Variants in ZFHX3 observed in about 807,000 individuals in gnomAD.
ZFHX3 encodes the protein zinc finger homeobox 3.
ZFHX3 carries 42 observed loss-of-function variants against 279.1 expected under a neutral mutation model. The observed-to-expected ratio is 0.15, with a 90% confidence interval of 0.12 to 0.19. The LOEUF is 0.19. Ranked by LOEUF, ZFHX3 falls within the 10% of genes least tolerant of loss-of-function variation. The pLI is 1.00. For synonymous variants in ZFHX3, 2,293 were observed against 1,957.8 expected (o/e 1.17, Z -4.52); for missense variants, 4,981 against 4,754.0 (o/e 1.05, Z -1.40).
At chr16:73,046,804 C>T (rs1965318334) in intron 1 of ZFHX3, among the ~76,000 whole-genome samples, 1 of 151,536 alleles carries the variant, frequency 6.6e-6, no homozygotes, top group African/African-American at 2.4e-5. Context: ...AAGGAGAGGC[C>T]TTCCTTCTGT....
chr16:72,943,539 CA>C (rs1421793193), intron 3 of ZFHX3, among the ~76,000 whole-genome samples: 1 of 152,034 alleles, frequency 6.6e-6, no homozygotes, highest in African/African-American at 2.4e-5. Context: ...CTCAAAAAAA[CA>C]GAAAACAAAA....
chr16:73,342,800 T>C (rs1053907279), intron 3 of ZFHX3, among the ~76,000 whole-genome samples: 4 of 152,168 alleles, frequency 2.6e-5, no homozygotes, highest in Non-Finnish European at 4.4e-5. Flanking sequence ...TAATGTTTTA[T>C]ATATGCAAAA....
intron 4 of ZFHX3, among the ~76,000 whole-genome samples, chr16:72,841,464 G>C (rs1028729347): frequency 6.6e-6 from 1 of 152,186 alleles, no homozygotes; most frequent in African/African-American, 2.4e-5. Context: ...CTGTGTCCAA[G>C]GGGAGAAAGA....
chr16:73,772,175 G>C (rs936302815), intron 1 of ZFHX3, among the ~76,000 whole-genome samples: 1 of 152,174 alleles, frequency 6.6e-6, no homozygotes, highest in African/African-American at 2.4e-5. Flanking sequence ...AATTGGAATT[G>C]CTGTGTGTAC....
At position 73,336,996 on chromosome 16, in the gene ZFHX3, G is replaced by C. The variant is rs1029862499; in HGVS notation, c.-1290-18660C>G. ...GACCTACAAGGTTCCCTGGACTCCT[G>C]GTCTGACCACCACTTCTTACCACCA... is the stretch of plus-strand genomic sequence containing the variant. On this transcript the variant is annotated intron_variant, in intron 3 of 17. Transcript: ENST00000641206. 3.9e-5 allele frequency among the ~76,000 whole-genome samples: 6 copies of C among 151,976 alleles called. No homozygotes were observed. In the East Asian group the frequency reaches 1.2e-3, roughly 29 times the overall value.
chr16:73,259,171 A>C lies in ZFHX3; in HGVS notation c.-1193-2035T>G, dbSNP rs530440265. Among the ~76,000 whole-genome samples, 10 of 152,328 alleles carry C rather than the reference A, an allele frequency of 6.6e-5. No homozygotes were observed. In the East Asian group the frequency reaches 1.9e-3, roughly 29 times the overall value. ...TGACTGTGTATGTGTGTGTGTACAC[A>C]CGTGTGAGCGTTTCCCTAGGAAACA... On this transcript the variant is annotated intron_variant, in intron 4 of 17. Transcript: ENST00000641206.
intron 3 of ZFHX3, among the ~76,000 whole-genome samples, chr16:72,912,405 A>G (rs2039341495): frequency 6.6e-6 from 1 of 152,230 alleles, no homozygotes; most frequent in Admixed American, 6.5e-5. Flanking sequence ...GAGTGGAAAT[A>G]ACATTAAGCG....
At chr16:73,723,288 A>G (rs1214742319) in intron 1 of ZFHX3, among the ~76,000 whole-genome samples, 1 of 152,226 alleles carries the variant, frequency 6.6e-6, no homozygotes, top group East Asian at 1.9e-4. Context: ...AACAAAAAAA[A>G]GGCATAAGAA....
chr16:72,964,685 G>A (rs943846547), intron 1 of ZFHX3, among the ~76,000 whole-genome samples: 1 of 146,416 alleles, frequency 6.8e-6, no homozygotes, highest in Non-Finnish European at 1.5e-5. Context: ...AAAAAAAAAG[G>A]AAAAAAATTG....
chr16:73,773,561 A>G (rs544904808), intron 1 of ZFHX3, among the ~76,000 whole-genome samples: 7 of 152,306 alleles, frequency 4.6e-5, no homozygotes, highest in African/African-American at 1.7e-4. Context: ...ACAAGTATCT[A>G]CATAATAATG....
In ZFHX3 at chr16:72,882,922, G is replaced by A. The variant is rs190368064; in HGVS notation, c.3448+6809C>T. Among the ~76,000 whole-genome samples the A allele has an allele frequency of 8.0e-4, 121 of 150,974 alleles. 1 individual carries two copies. Among genetic ancestry groups the A allele is most frequent in the African/African-American group, 2.4e-3 (100 of 41,070 alleles). On this transcript the variant is annotated intron_variant, in intron 4 of 9. Transcript: ENST00000268489. ...GAAGTGCCAGTGAGGCTGGGCAGTC[G>A]CTACAAAGGTTTCTTCTATGAGGAG...
intron 3 of ZFHX3, among the ~76,000 whole-genome samples, chr16:73,369,763 C>G (rs1249712387): frequency 6.6e-6 from 1 of 152,124 alleles, no homozygotes; most frequent in Non-Finnish European, 1.5e-5. Context: ...CAAGGTGATT[C>G]TGATTGTGCT....
chr16:73,583,158 G>A (rs1012087884), intron 2 of ZFHX3, among the ~76,000 whole-genome samples: 3 of 152,072 alleles, frequency 2.0e-5, no homozygotes, highest in African/African-American at 7.2e-5. Context: ...ACAATATCTG[G>A]GCCAATCAGG....
intron 4 of ZFHX3, among the ~76,000 whole-genome samples, chr16:73,258,303 G>A (rs1397563905): frequency 6.6e-6 from 1 of 150,564 alleles, no homozygotes. Flanking sequence ...TGACTTCAAG[G>A]CTTATATTCA....
intron 1 of ZFHX3, among the ~76,000 whole-genome samples, chr16:73,045,246 A>G (rs1351952685): frequency 1.3e-5 from 2 of 152,228 alleles, no homozygotes; most frequent in Non-Finnish European, 2.9e-5. Context: ...CACTAGCCCT[A>G]GAAATACTTT....
chr16:73,779,015 G>C (rs1008345434), intron 1 of ZFHX3, among the ~76,000 whole-genome samples: 5 of 152,204 alleles, frequency 3.3e-5, no homozygotes, highest in African/African-American at 1.2e-4. Flanking sequence ...ATCTGCTCTA[G>C]AATAAGCCTG....
rs10654824 is a variant in ZFHX3, at chr16:73,778,236, T to TAAAAAAAAAAA, written c.-1607-98007_-1607-97997dup. On this transcript the variant is annotated intron_variant, in intron 1 of 17. Transcript: ENST00000641206. ...ACTACCTTTACTGTTGAAGGAGTGT[T>TAAAAAAAAAAA]AAAAAAAAAAAAAAAAAAAAAAAAA... is the stretch of plus-strand genomic sequence containing the variant. Among the ~76,000 whole-genome samples, 11 of 58,708 alleles carry TAAAAAAAAAAA rather than the reference T, an allele frequency of 1.9e-4. 1 individual carries two copies. The highest frequency in any genetic ancestry group is 6.3e-4 in the African/African-American group (8 of 12,674). The allele number at this position is 58,708 out of a possible 152,430, so 38.5% of individuals were successfully genotyped here. A position where few individuals can be genotyped will look rare whatever the true frequency, so the allele number is the denominator to read the frequency against.
chr16:73,457,628 C>A (rs185308028), intron 2 of ZFHX3, among the ~76,000 whole-genome samples: 33 of 152,230 alleles, frequency 2.2e-4, no homozygotes, highest in Middle Eastern at 3.4e-3. Context: ...CAAAAATTAA[C>A]CTGGCGTAGT....
At chr16:72,890,838 G>A (rs1458724274) in intron 3 of ZFHX3, among the ~76,000 whole-genome samples, 2 of 152,250 alleles carry the variant, frequency 1.3e-5, no homozygotes, top group African/African-American at 4.8e-5. Flanking sequence ...ACTGTCTATG[G>A]ATGTTTTTGA....
Sources: gnomAD v4.1 joint callset for allele counts (sites outside exome capture counted in the v4.1 genomes callset) on GRCh38, gnomAD v4.1.1 for gene constraint, MANE v1.5 for transcripts, NCBI Gene and HGNC (gene_info 2026-07-23, HGNC 2026-07-21) for gene names.